Variants in CDH13 observed in about 807,000 individuals in gnomAD.
CDH13 encodes the protein cadherin 13.
Under a neutral mutation model 63.8 loss-of-function variants are expected in CDH13, and 24 were observed. The ratio of observed to expected loss-of-function variants is 0.38; its 90% CI spans 0.27 to 0.53. The LOEUF is 0.53. Ranked by LOEUF, CDH13 falls within the 20% of genes least tolerant of loss-of-function variation. The pLI is 0.85. For synonymous variants in CDH13, 503 were observed against 355.3 expected, an observed-to-expected ratio of 1.42 and a Z score of -4.67; for missense variants, 1,049 against 903.1, an observed-to-expected ratio of 1.16 and a Z score of -2.07.
At chr16:82,668,004 G>A (rs774497321) in intron 1 of CDH13, among the ~76,000 whole-genome samples, 35 of 152,208 alleles carry the variant, frequency 2.3e-4, no homozygotes, top group Admixed American at 1.1e-3. Context: ...CATCTATCGC[G>A]ACACCATTAC....
intron 6 of CDH13, among the ~76,000 whole-genome samples, chr16:83,409,843 C>G (rs1218840038): frequency 1.3e-5 from 2 of 152,216 alleles, no homozygotes; most frequent in Non-Finnish European, 2.9e-5. Flanking sequence ...GGTTATTTAA[C>G]TGGCTTTTTT....
intron 10 of CDH13, among the ~76,000 whole-genome samples, chr16:83,731,712 A>T (rs446876): frequency 0.53 from 80,464 of 152,136 alleles, 22,241 homozygotes; most frequent in Non-Finnish European, 0.62. Context: ...AATGTGCAGA[A>T]TGCTATTTCC....
intron 1 of CDH13, among the ~76,000 whole-genome samples, chr16:82,842,203 C>T (rs1011883515): frequency 2.1e-5 from 3 of 143,916 alleles, no homozygotes; most frequent in Non-Finnish European, 3.0e-5. Context: ...TGTATACACA[C>T]ACATTCCTAT....
intron 4 of CDH13, among the ~76,000 whole-genome samples, chr16:83,203,821 C>A (rs950583326): frequency 6.6e-6 from 1 of 152,016 alleles, no homozygotes; most frequent in African/African-American, 2.4e-5. Context: ...GGCAAGTTAG[C>A]AAGAGAGTAA....
At chr16:83,649,073 C>T (rs1332567569) in intron 8 of CDH13, among the ~76,000 whole-genome samples, 1 of 152,230 alleles carries the variant, frequency 6.6e-6, no homozygotes, top group Admixed American at 6.5e-5. Context: ...TTTCTTAACT[C>T]TGTGACTATT....
intron 6 of CDH13, among the ~76,000 whole-genome samples, chr16:83,381,199 C>CT (rs543688001): frequency 2.0e-4 from 31 of 152,112 alleles, no homozygotes; most frequent in Non-Finnish European, 3.8e-4. Context: ...GCAAATGTAC[C>CT]TTTTTCTAAT....
chr16:83,226,845 G>T lies in CDH13; in HGVS notation c.636+9348G>T, dbSNP rs1258467696. On this transcript the variant is annotated intron_variant, in intron 5 of 13. Transcript: ENST00000567109. ...CTGGGACCAGATCCCCAAATGCAGG[G>T]GCACGGTGGGGGACCATCCATTCCA... Among the ~76,000 whole-genome samples, 2 of 151,590 alleles carry T rather than the reference G, an allele frequency of 1.3e-5. 1 individual carries two copies. Among genetic ancestry groups the T allele is most frequent in the Non-Finnish European group, 2.9e-5 (2 of 67,956 alleles).
chr16:83,541,369 C>T (rs2075292613), intron 7 of CDH13, among the ~76,000 whole-genome samples: 1 of 152,196 alleles, frequency 6.6e-6, no homozygotes, highest in African/African-American at 2.4e-5. Context: ...TGCATGTCTT[C>T]AGTCCCTCAC....
chr16:83,716,908 T>A (rs1306716465), intron 10 of CDH13: 2 of 152,116 alleles, frequency 1.3e-5, no homozygotes, highest in African/African-American at 4.8e-5. Context: ...TAAAACTCTT[T>A]AAGACCCTCT....
chr16:83,288,187 G>A (rs776488287), intron 5 of CDH13, among the ~76,000 whole-genome samples: 1 of 152,168 alleles, frequency 6.6e-6, no homozygotes, highest in Non-Finnish European at 1.5e-5. Flanking sequence ...TTGAGATGGT[G>A]CAGAAAGCAA....
At chr16:83,312,590 AAC>A (rs1158168653) in intron 5 of CDH13, among the ~76,000 whole-genome samples, 1 of 152,186 alleles carries the variant, frequency 6.6e-6, no homozygotes, top group African/African-American at 2.4e-5. Flanking sequence ...TGGAGGAAAC[AAC>A]ACTGTGACTG....
chr16:82,998,303 G>A (rs72792167), intron 2 of CDH13, among the ~76,000 whole-genome samples: 24,567 of 152,110 alleles, frequency 0.16, 2,392 homozygotes, highest in African/African-American at 0.26. Flanking sequence ...AGCATATATT[G>A]ACTGAAGACA....
intron 6 of CDH13, among the ~76,000 whole-genome samples, chr16:83,468,408 G>C (rs1567693189): frequency 6.6e-6 from 1 of 152,174 alleles, no homozygotes; most frequent in Non-Finnish European, 1.5e-5. Context: ...TGTCCAGGGA[G>C]CACAGCCCCG....
Position 83,650,860 on chromosome 16 carries a change from G to A in CDH13, c.1102-19930G>A, listed in dbSNP as rs140542885. On this transcript the variant is annotated intron_variant, in intron 8 of 13. Transcript: ENST00000567109. ...GGCTGAGGCTGGAGGATTGCCTAAGGCCAGGAGTTCAAGACCAGCCTGGGC... is the reference window on the plus strand; with the variant it reads ...GGCTGAGGCTGGAGGATTGCCTAAGACCAGGAGTTCAAGACCAGCCTGGGC... Among the ~76,000 whole-genome samples, 261 of 152,162 alleles carry A rather than the reference G, an allele frequency of 1.7e-3. 3 individuals carry two copies. The East Asian group carries it at 0.027, about 16-fold the overall frequency.
chr16:83,709,974 C>A (rs72797273), intron 10 of CDH13, among the ~76,000 whole-genome samples: 42,531 of 151,966 alleles, frequency 0.28, 6,315 homozygotes, highest in Middle Eastern at 0.46. Flanking sequence ...TCCAAATAGT[C>A]CAAAAAATGG....
At chr16:82,741,632 G>T (rs1355161026) in intron 1 of CDH13, among the ~76,000 whole-genome samples, 2 of 152,176 alleles carry the variant, frequency 1.3e-5, no homozygotes, top group African/African-American at 2.4e-5. Flanking sequence ...GGATTGAAAA[G>T]AAGGAGATTT....
intron 3 of CDH13, among the ~76,000 whole-genome samples, chr16:83,081,313 G>A (rs1471110536): frequency 2.6e-5 from 4 of 152,100 alleles, no homozygotes; most frequent in Non-Finnish European, 4.4e-5. Context: ...GGATAGACAT[G>A]GTCTATATTT....
At chr16:83,672,866 A>G (rs1914634354) in intron 9 of CDH13, among the ~76,000 whole-genome samples, 1 of 152,212 alleles carries the variant, frequency 6.6e-6, no homozygotes. Flanking sequence ...ATTGTCTGAC[A>G]GATTTTATAG....
chr16:83,076,116 A>AG (rs1362662719), intron 3 of CDH13, among the ~76,000 whole-genome samples: 5 of 152,196 alleles, frequency 3.3e-5, no homozygotes, highest in Non-Finnish European at 5.9e-5. Context: ...AGGAAAAAAA[A>AG]GTAAATGAGC....
Sources: allele counts gnomAD v4.1 joint callset (sites outside exome capture counted in the v4.1 genomes callset), GRCh38; gene constraint gnomAD v4.1.1; transcripts MANE v1.5; gene names NCBI Gene and HGNC (gene_info 2026-07-23, HGNC 2026-07-21).